CDYL2: variants seen among roughly 807,000 people sequenced by gnomAD.
The protein encoded by CDYL2 is chromodomain Y-like protein 2.
A neutral mutation model predicts 49.4 loss-of-function variants in CDYL2; 23 were observed. That is an observed-to-expected ratio of 0.47 (90% CI 0.34 to 0.66). The LOEUF (loss-of-function observed/expected upper bound fraction) is 0.66. CDYL2 is among the 30% of genes least tolerant of loss of function. CDYL2 has a pLI of 0.01. For missense variants in CDYL2, 678 were observed against 656.4 expected, an observed-to-expected ratio of 1.03 and a Z score of -0.36; for synonymous variants, 360 against 268.8, an observed-to-expected ratio of 1.34 and a Z score of -3.32.
At chr16:80,780,397 CTTTTTTTT>C (rs1022730941) in intron 1 of CDYL2, among the ~76,000 whole-genome samples, 4 of 105,354 alleles carry the variant, frequency 3.8e-5, no homozygotes, top group East Asian at 5.3e-4. Flanking sequence ...TGCACAATAT[CTTTTTTTT>C]TTTTTTTTTT....
In CDYL2 at chr16:80,598,499, T is replaced by G. The variant is rs750365448; in HGVS notation, c.*5889A>C. On this transcript the variant is annotated 3_prime_UTR_variant, in exon 7 of 7. Coordinates refer to ENST00000570137, the MANE Select transcript of CDYL2 (RefSeq NM_152342.4). ...AATTCTTCTCACACCTAACAGGAAT[T>G]AGAATGGGTCAATGAAGAACAAAAG... The G allele has an allele frequency of 3.3e-4, 50 of 152,248 alleles. No individual in the cohort carries two copies. Among genetic ancestry groups the G allele is most frequent in the Middle Eastern group, 3.4e-3 (1 of 294 alleles). The allele number at this position is 152,248 out of a possible 1,614,324, so 9.4% of individuals were successfully genotyped here. A position where few individuals can be genotyped will look rare whatever the true frequency, so the allele number is the denominator to read the frequency against.
chr16:80,676,930 C>T (rs1909767352), intron 2 of CDYL2, among the ~76,000 whole-genome samples: 1 of 141,518 alleles, frequency 7.1e-6, no homozygotes, highest in African/African-American at 2.6e-5. Flanking sequence ...TTTCTTACTT[C>T]TTCTGAGGAC....
chr16:80,636,531 A>T (rs28860586), intron 2 of CDYL2, among the ~76,000 whole-genome samples: 2 of 152,088 alleles, frequency 1.3e-5, no homozygotes, highest in African/African-American at 4.8e-5. Context: ...GTTAGAATGG[A>T]GATCATTAAG....
intron 3 of CDYL2, chr16:80,627,883 T>C (rs898012622): frequency 1.3e-5 from 2 of 152,286 alleles, no homozygotes. Context: ...CACCTGCTAT[T>C]AGTTGTCTGC....
At chr16:80,780,429 G>T (rs1370274147) in intron 1 of CDYL2, among the ~76,000 whole-genome samples, 1 of 114,286 alleles carries the variant, frequency 8.7e-6, no homozygotes, top group African/African-American at 3.6e-5. Flanking sequence ...TTTGCAGACA[G>T]AGTCTTGCTC....
intron 1 of CDYL2, among the ~76,000 whole-genome samples, chr16:80,749,520 A>G (rs960613753): frequency 6.6e-6 from 1 of 152,184 alleles, no homozygotes. Context: ...ATCAACAGCT[A>G]AAAGATTACG....
intron 1 of CDYL2, among the ~76,000 whole-genome samples, chr16:80,756,152 T>C (rs1028812198): frequency 1.3e-5 from 2 of 152,088 alleles, no homozygotes; most frequent in African/African-American, 2.4e-5. Flanking sequence ...GTGGTCCAAC[T>C]TGAGAAGTTA....
rs369364400 is a variant in CDYL2 at position 80,771,638 on chromosome 16, G to A, written c.24+32512C>T. On this transcript the variant is annotated intron_variant, in intron 1 of 6. Transcript: ENST00000570137. ...GAGAATCACCTGAACGCAGAAAATC[G>A]CTTGAATCCGGGAGGCAGGGATTGC... is the stretch of plus-strand genomic sequence containing the variant. Among the ~76,000 whole-genome samples the A allele has an allele frequency of 4.8e-4, 73 of 152,150 alleles. No homozygotes were observed. The Middle Eastern group carries it at 0.01, about 21-fold the overall frequency.
intron 2 of CDYL2, among the ~76,000 whole-genome samples, chr16:80,675,736 T>C (rs1201927944): frequency 6.6e-6 from 1 of 151,858 alleles, no homozygotes; most frequent in African/African-American, 2.4e-5. Flanking sequence ...GAGAGCGGCT[T>C]TTCACCGACA....
chr16:80,607,145 G>GT (rs1906374444), intron 6 of CDYL2, among the ~76,000 whole-genome samples: 1 of 152,074 alleles, frequency 6.6e-6, no homozygotes, highest in Non-Finnish European at 1.5e-5. Flanking sequence ...CGTGGCCCGC[G>GT]TGAGTGTTGA....
At chr16:80,621,678 G>A (rs1351426273) in intron 3 of CDYL2, among the ~76,000 whole-genome samples, 3 of 152,200 alleles carry the variant, frequency 2.0e-5, no homozygotes, top group African/African-American at 4.8e-5. Context: ...TGGATAAAAG[G>A]CATTTTGTTC....
chr16:80,607,163 C>A lies in CDYL2; in HGVS notation c.1362+929G>T, dbSNP rs373275401. Among the ~76,000 whole-genome samples the A allele has an allele frequency of 2.2e-4, 34 of 152,234 alleles. No individual in the cohort carries two copies. The East Asian group carries it at 6.6e-3, about 29-fold the overall frequency. ...GGCCCGCGTGAGTGTTGACTAACAA[C>A]CTGGAGACCGCCACCCCCCACCGTC... is the stretch of plus-strand genomic sequence containing the variant. On this transcript the variant is annotated intron_variant, in intron 6 of 6. Coordinates refer to ENST00000570137, the MANE Select transcript of CDYL2 (RefSeq NM_152342.4).
chr16:80,669,469 G>A (rs1253310389), intron 2 of CDYL2, among the ~76,000 whole-genome samples: 1 of 152,096 alleles, frequency 6.6e-6, no homozygotes, highest in East Asian at 1.9e-4. Context: ...TGGGGACAAG[G>A]AGCCGCGTCA....
At chr16:80,728,616 A>G (rs914874170) in intron 1 of CDYL2, among the ~76,000 whole-genome samples, 4 of 151,778 alleles carry the variant, frequency 2.6e-5, no homozygotes, top group East Asian at 1.9e-4. Context: ...GATACTCCTC[A>G]AGAAGAGCAA....
intron 3 of CDYL2, among the ~76,000 whole-genome samples, chr16:80,632,115 A>T (rs1567548222): frequency 6.6e-6 from 1 of 152,250 alleles, no homozygotes; most frequent in Non-Finnish European, 1.5e-5. Context: ...AAACTTGTAT[A>T]TAACATTTGT....
intron 1 of CDYL2, among the ~76,000 whole-genome samples, chr16:80,733,317 GT>G (rs371766671): frequency 4.0e-4 from 61 of 152,348 alleles, no homozygotes; most frequent in East Asian, 2.1e-3. Flanking sequence ...CTGGGGAGCG[GT>G]CAGGGATGGA....
chr16:80,623,224 C>G (rs1202763609), intron 3 of CDYL2, among the ~76,000 whole-genome samples: 1 of 152,120 alleles, frequency 6.6e-6, no homozygotes, highest in Admixed American at 6.5e-5. Context: ...TCCAGAAGGT[C>G]CACATGCGCC....
In CDYL2 at chr16:80,770,080, C is replaced by T. The variant is rs76649099; in HGVS notation, c.24+34070G>A. Among the ~76,000 whole-genome samples the T allele has an allele frequency of 8.7e-3, 1,328 of 151,778 alleles. 25 individuals are homozygous for T. Among genetic ancestry groups the T allele is most frequent in the African/African-American group, 0.03 (1,230 of 41,356 alleles). On this transcript the variant is annotated intron_variant, in intron 1 of 6. Coordinates refer to ENST00000570137, the MANE Select transcript of CDYL2 (RefSeq NM_152342.4). ...AAAACCGAATGTGTTAATTAAAAGA[C>T]GAGTTAAAACAATTGTCTGAGAATT...
chr16:80,804,508 C>A lies in CDYL2; in HGVS notation c.-335G>T, dbSNP rs1377818585. Among the ~76,000 whole-genome samples, 1 of 142,740 alleles carries A rather than the reference C, an allele frequency of 7.0e-6. No individual in the cohort carries two copies. Among genetic ancestry groups the A allele is most frequent in the Non-Finnish European group, 1.5e-5 (1 of 64,914 alleles). The allele number at this position is 142,740 out of a possible 152,430, so 93.6% of individuals were successfully genotyped here. On this transcript the variant is annotated 5_prime_UTR_variant, in exon 1 of 7. Transcript: ENST00000570137. The stretch of plus-strand genomic sequence containing the variant: ...CGGCCCCCGCGACCCGGCGACCCGG[C>A]GGCGGTGGCTGCAGCCGGCAACGGC...
Sources: allele counts gnomAD v4.1 joint callset (sites outside exome capture counted in the v4.1 genomes callset), GRCh38; gene constraint gnomAD v4.1.1; transcripts MANE v1.5; gene names NCBI Gene and HGNC (gene_info 2026-07-23, HGNC 2026-07-21).